The following ABCA9 variants were observed in gnomAD, a reference collection of about 807,000 sequenced individuals.
The protein encoded by ABCA9 is ATP binding cassette subfamily A member 9, also known as ATP-binding cassette sub-family A member 9.
In ABCA9, 183 loss-of-function variants were observed where a neutral mutation model predicts 205.3. The observed-to-expected ratio is 0.89, with a 90% CI of 0.79 to 1.01. ABCA9 has a LOEUF of 1.01. ABCA9 is among the 50% of genes least tolerant of loss of function. The probability of loss-of-function intolerance (pLI) is 0.00; values close to 1 mark genes in which losing one functional copy is unlikely to be tolerated. For synonymous variants in ABCA9, 651 were observed against 683.3 expected (o/e 0.95, Z 0.74); for missense variants, 1,805 against 1,912.4 (o/e 0.94, Z 1.05).
intron 22 of ABCA9, among the ~76,000 whole-genome samples, chr17:69,013,461 T>A (rs1333226858): frequency 6.7e-6 from 1 of 150,134 alleles, no homozygotes; most frequent in African/African-American, 2.5e-5. Flanking sequence ...GAAAAAAGGG[T>A]GCCAAAGACT....
At chr17:69,064,526 C>A (rs2072324431), upstream of ABCA9, among the ~76,000 whole-genome samples, 1 of 152,164 alleles carries the variant, frequency 6.6e-6, no homozygotes, top group South Asian at 2.1e-4. Flanking sequence ...CAATGATTTA[C>A]CCAGGAAGCT....
At chr17:69,029,259 T>C (rs1413437857) in intron 10 of ABCA9, 32 bp from the exon 11 acceptor site, 5 of 1,407,748 alleles carry the variant, frequency 3.6e-6, no homozygotes, top group Non-Finnish European at 4.9e-6. Context: ...TTTCAGAGAA[T>C]TGTAAAAATG....
At chr17:69,000,830 G>A (rs999325199) in intron 25 of ABCA9, among the ~76,000 whole-genome samples, 6 of 149,252 alleles carry the variant, frequency 4.0e-5, no homozygotes, top group Admixed American at 2.6e-4. Flanking sequence ...CCTTGAAGAG[G>A]TCCTTCACAT....
chr17:69,068,429 T>C, the ABCA9 span, among the ~76,000 whole-genome samples: 674 of 152,264 alleles, frequency 4.4e-3, 4 homozygotes, highest in African/African-American at 0.015. Flanking sequence ...ATGTGAATGC[T>C]CCTTCAACAA....
At position 69,028,569 on chromosome 17, in the gene ABCA9, T is replaced by G. The variant is rs762930718; in HGVS notation, c.1581A>C (p.Leu527Phe). The change falls in exon 12 of 39, where the codon TTA (leucine) becomes TTC (phenylalanine). Residue 527 changes from leucine (L) to phenylalanine (F), a missense_variant. Leu to Phe is a conservative substitution (Grantham distance 22). Coordinates refer to ENST00000340001, the MANE Select transcript of ABCA9 (RefSeq NM_080283.4). ...GHSGAGKTTL[L>F]NILSGLSVPT... ...GAACTGACAACCCACTAAGTATGTT[T>G]AACAGGGTAGTTTTTCCAGCTCCAC... 1 of 1,611,070 alleles carries G rather than the reference T, an allele frequency of 6.2e-7. No homozygotes were observed. Among genetic ancestry groups the G allele is most frequent in the East Asian group, 2.2e-5 (1 of 44,720 alleles).
chr17:68,985,137 A>T lies in ABCA9; in HGVS notation c.4209-9T>A. The T allele has an allele frequency of 6.2e-7, 1 of 1,614,216 alleles. No homozygotes were observed. The highest frequency in any genetic ancestry group is 1.1e-5 in the South Asian group (1 of 91,086). ...TGAGCGCATCCACTAACCTGAAGAA[A>T]ACAGAGTCAATCCACATAATCCCAA... On this transcript the variant is annotated splice_polypyrimidine_tract_variant and intron_variant, in intron 32 of 38. Coordinates refer to ENST00000340001, the MANE Select transcript of ABCA9 (RefSeq NM_080283.4).
At chr17:69,026,489 A>G in intron 15 of ABCA9, 22 bp from the exon 16 acceptor site, 2 of 1,581,020 alleles carry the variant, frequency 1.3e-6, no homozygotes, top group Non-Finnish European at 1.7e-6. Flanking sequence ...TAATCAAAAG[A>G]TAAGTTACAT....
intron 13 of ABCA9, 93 bp downstream of exon 13, chr17:69,027,547 T>C (rs1567955545): frequency 1.9e-6 from 3 of 1,557,984 alleles, no homozygotes; most frequent in Non-Finnish European, 2.6e-6. Flanking sequence ...TTGCCTGAAA[T>C]TTAGATGAGG....
chr17:68,995,614 T>A (rs2069590916), intron 26 of ABCA9, among the ~76,000 whole-genome samples: 1 of 152,160 alleles, frequency 6.6e-6, no homozygotes, highest in South Asian at 2.1e-4. Context: ...AAAAGGGGCA[T>A]CTCTTTGGCC....
intron 26 of ABCA9, 42 bp downstream of exon 26, chr17:68,995,853 C>G (rs777122505): frequency 7.6e-5 from 122 of 1,608,058 alleles, no homozygotes; most frequent in Non-Finnish European, 1.2e-5. Flanking sequence ...TCTCAAATGA[C>G]CACACATTTC....
At chr17:69,012,117 G>T (rs754947644) in intron 22 of ABCA9, 34 bp from the exon 23 acceptor site, 2 of 1,437,972 alleles carry the variant, frequency 1.4e-6, no homozygotes, top group Admixed American at 1.8e-5. Flanking sequence ...AGCTGATGGC[G>T]ATTGGGCATC....
At chr17:69,028,730 G>A in intron 11 of ABCA9, 85 bp from the exon 12 acceptor site, 1 of 674,622 alleles carries the variant, frequency 1.5e-6, no homozygotes, top group Non-Finnish European at 2.4e-6. Flanking sequence ...TTTGCAGCAT[G>A]AATAGATTGA....
Position 68,983,698 on chromosome 17 carries a change from C to T in ABCA9, c.4640+11G>A. ...CCAAGGACTGTGATAAAACAAAACA[C>T]CTGTGTCTACCTTTCCTGCTGAGCA... On this transcript the variant is annotated intron_variant, in intron 36 of 38. Coordinates refer to ENST00000340001, the MANE Select transcript of ABCA9 (RefSeq NM_080283.4). 1 of 1,613,444 alleles carries T rather than the reference C, an allele frequency of 6.2e-7. No homozygotes were observed. Among genetic ancestry groups the T allele is most frequent in the Non-Finnish European group, 8.5e-7 (1 of 1,179,802 alleles).
chr17:69,033,308 A>AAAAC (rs1426643414), intron 9 of ABCA9: 1 of 151,716 alleles, frequency 6.6e-6, no homozygotes, highest in South Asian at 2.1e-4. Flanking sequence ...CTTCTCAAAA[A>AAAAC]AAAAAAAAAA....
intron 22 of ABCA9, among the ~76,000 whole-genome samples, chr17:69,012,950 A>G (rs2070438105): frequency 6.6e-6 from 1 of 151,912 alleles, no homozygotes; most frequent in South Asian, 2.1e-4. Flanking sequence ...AGATCCCACA[A>G]ATAAATGAGA....
At chr17:69,070,471 C>T in the ABCA9 span, among the ~76,000 whole-genome samples, 18 of 152,214 alleles carry the variant, frequency 1.2e-4, no homozygotes, top group African/African-American at 4.3e-4. Context: ...GCCGTTGCCT[C>T]ACCCGGGAAG....
the ABCA9 span, among the ~76,000 whole-genome samples, chr17:69,072,957 C>T: frequency 5.9e-5 from 9 of 152,240 alleles, no homozygotes; most frequent in African/African-American, 2.2e-4. Flanking sequence ...ATCCTAGTCT[C>T]TGATAAAACA....
intron 32 of ABCA9, among the ~76,000 whole-genome samples, chr17:68,985,679 G>A (rs2069208607): frequency 6.6e-6 from 1 of 151,920 alleles, no homozygotes; most frequent in Non-Finnish European, 1.5e-5. Context: ...GCTCACACCT[G>A]TAATCCCAGG....
chr17:68,978,024 T>C (rs1397080119), intron 37 of ABCA9, among the ~76,000 whole-genome samples: 1 of 152,236 alleles, frequency 6.6e-6, no homozygotes, highest in Non-Finnish European at 1.5e-5. Flanking sequence ...CTGGATATTC[T>C]TGTTAACTTT....
Sources: allele counts gnomAD v4.1 joint callset (sites outside exome capture counted in the v4.1 genomes callset), GRCh38; gene constraint gnomAD v4.1.1; transcripts MANE v1.5; gene names NCBI Gene and HGNC (gene_info 2026-07-23, HGNC 2026-07-21).